Variants in MARCHF1 observed in about 807,000 individuals in gnomAD.
The protein encoded by MARCHF1 is membrane associated ring-CH-type finger 1.
In MARCHF1, 40 loss-of-function variants were observed where a neutral mutation model predicts 54.2. The observed-to-expected ratio is 0.74, with a 90% CI of 0.57 to 0.96. MARCHF1 has a LOEUF of 0.96. MARCHF1 is among the 40% of genes least tolerant of loss of function. MARCHF1 has a pLI of 0.00. For synonymous variants in MARCHF1, 236 were observed against 236.3 expected (o/e 1.00, Z 0.01); for missense variants, 586 against 656.5 (o/e 0.89, Z 1.17).
At chr4:164,020,569 G>A (rs1429437425) in intron 2 of MARCHF1, among the ~76,000 whole-genome samples, 1 of 152,226 alleles carries the variant, frequency 6.6e-6, no homozygotes. Flanking sequence ...ACCTTCTCCA[G>A]AGGGAGTTTT....
chr4:163,896,831 C>G lies in MARCHF1; in HGVS notation c.-38-42662G>C, dbSNP rs186537422. On this transcript the variant is annotated intron_variant, in intron 3 of 9. Coordinates refer to ENST00000514618, the MANE Select transcript of MARCHF1 (RefSeq NM_001394959.1). ...CACAGGATTGGGAGGTAAGAGTCAT[C>G]CATGCTCCTCAATGTTATTTCTAAA... is the stretch of plus-strand genomic sequence containing the variant. 1.5e-4 allele frequency among the ~76,000 whole-genome samples: 23 copies of G among 152,232 alleles called. No individual in the cohort carries two copies. The East Asian group carries it at 4.4e-3, about 29-fold the overall frequency.
chr4:163,626,986 G>A (rs910045075), intron 5 of MARCHF1, among the ~76,000 whole-genome samples: 1 of 152,058 alleles, frequency 6.6e-6, no homozygotes, highest in Non-Finnish European at 1.5e-5. Context: ...AAAATGATCT[G>A]AAAGAGTCTT....
At chr4:163,942,533 A>G (rs1751933714) in intron 3 of MARCHF1, among the ~76,000 whole-genome samples, 1 of 152,216 alleles carries the variant, frequency 6.6e-6, no homozygotes, top group African/African-American at 2.4e-5. Flanking sequence ...GAGAGTCATG[A>G]AAGTGCATGT....
chr4:163,880,465 TATG>T (rs752891925), intron 3 of MARCHF1, among the ~76,000 whole-genome samples: 23 of 151,148 alleles, frequency 1.5e-4, no homozygotes, highest in Non-Finnish European at 2.5e-4. Flanking sequence ...TTAGGAGTCT[TATG>T]ATAATAGATT....
intron 1 of MARCHF1, chr4:164,383,663 C>G (rs1329619755): frequency 1.2e-4 from 19 of 152,782 alleles, no homozygotes; most frequent in Admixed American, 7.8e-4. Context: ...AGCCCGCCGC[C>G]CGCAGGTTGG....
chr4:163,689,202 C>T (rs1238113386), intron 5 of MARCHF1, among the ~76,000 whole-genome samples: 1 of 152,120 alleles, frequency 6.6e-6, no homozygotes, highest in Non-Finnish European at 1.5e-5. Flanking sequence ...AGTTTTTAAT[C>T]TTCAGTATTT....
chr4:164,021,995 T>C (rs1753676740), intron 2 of MARCHF1, among the ~76,000 whole-genome samples: 1 of 152,148 alleles, frequency 6.6e-6, no homozygotes, highest in South Asian at 2.1e-4. Context: ...ATATTTTATA[T>C]GACATTTTGG....
At chr4:164,339,219 A>G (rs114305907) in intron 1 of MARCHF1, among the ~76,000 whole-genome samples, 173 of 152,304 alleles carry the variant, frequency 1.1e-3, no homozygotes, top group African/African-American at 4.0e-3. Flanking sequence ...ACTTTAAACC[A>G]AGTGGACCTC....
At chr4:163,962,369 G>A (rs1394755055) in intron 3 of MARCHF1, among the ~76,000 whole-genome samples, 16 of 151,864 alleles carry the variant, frequency 1.1e-4, no homozygotes, top group Admixed American at 1.1e-3. Flanking sequence ...GAGGGGCGGA[G>A]GTGTGGAATT....
At position 164,199,695 on chromosome 4, in the gene MARCHF1, G is replaced by C. The variant is rs1283371143; in HGVS notation, c.-322-88033C>G. ...ACACACACACACAGAGAGAGAGAGA[G>C]AGAGAGAGAGAGAGAGAAGAGAGGA... On this transcript the variant is annotated intron_variant, in intron 1 of 9. Transcript: ENST00000514618. Among the ~76,000 whole-genome samples, 530 of 149,710 alleles carry C rather than the reference G, an allele frequency of 3.5e-3. 7 individuals are homozygous for C. The highest frequency in any genetic ancestry group is 0.013 in the African/African-American group (512 of 40,236).
chr4:163,972,772 T>G (rs1240428399), intron 3 of MARCHF1, among the ~76,000 whole-genome samples: 2 of 151,184 alleles, frequency 1.3e-5, no homozygotes, highest in African/African-American at 4.9e-5. Context: ...TTAGCCAGGA[T>G]AGTCTCCATC....
chr4:163,913,219 G>T (rs968746272), intron 3 of MARCHF1, among the ~76,000 whole-genome samples: 3 of 152,142 alleles, frequency 2.0e-5, no homozygotes, highest in African/African-American at 7.2e-5. Context: ...TTTGCGTTTT[G>T]TGTGACCACA....
intron 2 of MARCHF1, among the ~76,000 whole-genome samples, chr4:164,091,133 C>T (rs1443524854): frequency 1.3e-5 from 2 of 152,000 alleles, no homozygotes; most frequent in East Asian, 1.9e-4. Flanking sequence ...TGGCAAATAT[C>T]AGCTCTTAAT....
At chr4:163,650,833 TCA>T (rs1290969546) in intron 5 of MARCHF1, among the ~76,000 whole-genome samples, 1 of 151,948 alleles carries the variant, frequency 6.6e-6, no homozygotes, top group Non-Finnish European at 1.5e-5. Context: ...CCTGCTAATC[TCA>T]GAGTCTGAAA....
chr4:164,189,488 A>G lies in MARCHF1; in HGVS notation c.-322-77826T>C, dbSNP rs571730729. The G allele has an allele frequency of 4.7e-5, 34 of 724,556 alleles. No homozygotes were observed. The African/African-American group carries it at 5.4e-4, about 12-fold the overall frequency. The allele number at this position is 724,556 out of a possible 1,614,324, so 44.9% of individuals were successfully genotyped here. On this transcript the variant is annotated intron_variant, in intron 1 of 9. Transcript: ENST00000514618. ...GGCTCTACTCGAATTCCAAAGATTC[A>G]GCAACTGGTTAAAAAGTCCTTCAAT...
intron 8 of MARCHF1, among the ~76,000 whole-genome samples, chr4:163,547,248 G>A (rs1579050351): frequency 6.6e-6 from 1 of 152,214 alleles, no homozygotes; most frequent in East Asian, 1.9e-4. Context: ...TTTCAACAGA[G>A]GCTGTGACAG....
intron 2 of MARCHF1, among the ~76,000 whole-genome samples, chr4:164,097,336 A>G (rs952103574): frequency 3.3e-5 from 5 of 152,320 alleles, no homozygotes; most frequent in Non-Finnish European, 5.9e-5. Flanking sequence ...ACTGAAATTG[A>G]TCATCTCTTG....
At chr4:163,720,741 C>A (rs1313967377) in intron 4 of MARCHF1, among the ~76,000 whole-genome samples, 3 of 152,194 alleles carry the variant, frequency 2.0e-5, no homozygotes, top group Middle Eastern at 3.2e-3. Flanking sequence ...AGAGGTCCTT[C>A]ACATCCCTTG....
intron 3 of MARCHF1, among the ~76,000 whole-genome samples, chr4:163,964,675 TTC>T (rs201539959): frequency 6.6e-6 from 1 of 151,576 alleles, no homozygotes; most frequent in African/African-American, 2.4e-5. Flanking sequence ...TATCCTCTGC[TTC>T]TCTCTCTTTT....
Sources: allele counts gnomAD v4.1 joint callset (sites outside exome capture counted in the v4.1 genomes callset), GRCh38; gene constraint gnomAD v4.1.1; transcripts MANE v1.5; gene names NCBI Gene and HGNC (gene_info 2026-07-23, HGNC 2026-07-21).